SLC35F5: variants seen among roughly 807,000 people sequenced by gnomAD.
SLC35F5 encodes solute carrier family 35 member F5.
Under a neutral mutation model 68.6 loss-of-function variants are expected in SLC35F5, and 54 were observed. That is an observed-to-expected ratio of 0.79 (90% CI 0.63 to 0.99). SLC35F5 has a LOEUF of 0.99. Among genes scored for constraint, SLC35F5 ranks in the 50% least tolerant of loss-of-function variants. The pLI is 0.00. For synonymous variants in SLC35F5, 211 were observed against 205.2 expected (o/e 1.03, Z -0.24); for missense variants, 567 against 626.9 (o/e 0.90, Z 1.02).
rs746807681 is a variant in SLC35F5, at chr2:113,712,030, C to T, written c.*3188G>A. On this transcript the variant is annotated 3_prime_UTR_variant, in exon 16 of 16. Transcript: ENST00000245680. ...CCTGGAGTCATACCTCAAATTGGCT[C>T]TGCATGATTGATTTTACAGCGGGCA... Among the ~76,000 whole-genome samples, 1 of 152,196 alleles carries T rather than the reference C, an allele frequency of 6.6e-6. No homozygotes were observed. The highest frequency in any genetic ancestry group is 1.5e-5 in the Non-Finnish European group (1 of 68,044).
chr2:113,710,128 T>C lies in SLC35F5; in HGVS notation c.*5090A>G, dbSNP rs193092111. Among the ~76,000 whole-genome samples, 129 of 152,338 alleles carry C rather than the reference T, an allele frequency of 8.5e-4. No individual in the cohort carries two copies. The highest frequency in any genetic ancestry group is 3.0e-3 in the African/African-American group (125 of 41,576). ...TGTGTTCTCCCCTCTCTTCCAATAA[T>C]GTGTATTCAACAAGGCCTTCAGGTG... On this transcript the variant is annotated 3_prime_UTR_variant, in exon 16 of 16. Transcript: ENST00000245680.
intron 3 of SLC35F5, among the ~76,000 whole-genome samples, chr2:113,751,209 T>G (rs1559364942): frequency 6.6e-6 from 1 of 152,052 alleles, no homozygotes; most frequent in Non-Finnish European, 1.5e-5. Flanking sequence ...TAACATCTAA[T>G]AGAGGAGACA....
chr2:113,743,794 T>C lies in SLC35F5; in HGVS notation c.481A>G (p.Ser161Gly). The change falls in exon 6 of 16, where the codon AGT (serine) becomes GGT (glycine). Residue 161 changes from serine (S) to glycine (G), a missense_variant and splice_region_variant. Transcript: ENST00000245680. The stretch of plus-strand genomic sequence containing the variant: ...TTCACAGGCACATACAGAGGTTCAC[T>C]CTGGAATGTAACAGAAAAAAATATA... Reference protein sequence around the residue: ...TTDTTMNSSLSEPLYVPVKFH... With the variant: ...TTDTTMNSSLGEPLYVPVKFH... The C allele has an allele frequency of 6.3e-7, 1 of 1,592,716 alleles. No homozygotes were observed. Among genetic ancestry groups the C allele is most frequent in the Non-Finnish European group, 8.5e-7 (1 of 1,170,172 alleles).
chr2:113,743,656 G>A, intron 6 of SLC35F5, 57 bp downstream of exon 6: 1 of 1,415,266 alleles, frequency 7.1e-7, no homozygotes, highest in South Asian at 1.2e-5. Context: ...TCATCACTAA[G>A]TTCTGAAGTG....
chr2:113,717,698 G>T, intron 15 of SLC35F5, 55 bp downstream of exon 15: 2 of 1,196,894 alleles, frequency 1.7e-6, no homozygotes, highest in South Asian at 2.8e-5. Flanking sequence ...TCAATCCTTT[G>T]AATATTACAC....
chr2:113,703,017 G>A (rs546863287), downstream of SLC35F5, among the ~76,000 whole-genome samples: 30 of 152,160 alleles, frequency 2.0e-4, no homozygotes, highest in African/African-American at 7.2e-4. Flanking sequence ...GGCTGAGGTG[G>A]GAGAATCACT....
downstream of SLC35F5, chr2:113,704,987 G>A (rs765694555): frequency 3.9e-5 from 6 of 152,224 alleles, no homozygotes; most frequent in Non-Finnish European, 8.8e-5. Flanking sequence ...AAAGACTGAA[G>A]ATTAATTGTT....
chr2:113,721,944 A>G (rs1207130687), intron 13 of SLC35F5, among the ~76,000 whole-genome samples: 1 of 151,294 alleles, frequency 6.6e-6, no homozygotes, highest in East Asian at 1.9e-4. Flanking sequence ...AAGAGGATAT[A>G]GAGCACTAAG....
In SLC35F5 at chr2:113,711,272, TA is replaced by T. The variant is rs367996264; in HGVS notation, c.*3945del. Among the ~76,000 whole-genome samples, 563 of 152,356 alleles carry T rather than the reference TA, an allele frequency of 3.7e-3. 4 individuals carry two copies. The highest frequency in any genetic ancestry group is 0.013 in the African/African-American group (528 of 41,594). On this transcript the variant is annotated 3_prime_UTR_variant, in exon 16 of 16. Transcript: ENST00000245680. ...GAGGGTACTCATTACTTTTGGTTGGTAATTTTTCCTTAAATATATTTCAATG... is the reference window on the plus strand; with the variant it reads ...GAGGGTACTCATTACTTTTGGTTGGTATTTTTCCTTAAATATATTTCAATG...
At chr2:113,706,378 G>C (rs773585212), downstream of SLC35F5, among the ~76,000 whole-genome samples, 4 of 152,152 alleles carry the variant, frequency 2.6e-5, no homozygotes, top group Non-Finnish European at 5.9e-5. Flanking sequence ...TCCTCTGGGT[G>C]ACCCTGGCCT....
intron 7 of SLC35F5, among the ~76,000 whole-genome samples, chr2:113,736,448 AT>A (rs373234706): frequency 2.4e-4 from 36 of 151,240 alleles, no homozygotes; most frequent in Non-Finnish European, 2.7e-4. Flanking sequence ...TTCTCAAAAA[AT>A]AAAAAAATCG....
chr2:113,732,745 T>C (rs73955059), intron 9 of SLC35F5, among the ~76,000 whole-genome samples: 35,340 of 152,170 alleles, frequency 0.23, 4,469 homozygotes, highest in Middle Eastern at 0.48. Flanking sequence ...GTATCAGACA[T>C]TGTTCCAAGC....
intron 12 of SLC35F5, among the ~76,000 whole-genome samples, chr2:113,723,985 A>G (rs528731334): frequency 2.0e-5 from 3 of 152,338 alleles, no homozygotes; most frequent in South Asian, 4.1e-4. Context: ...TTAGGACTAC[A>G]GATCCATGGA....
rs1237535716 is a variant in SLC35F5 at position 113,709,451 on chromosome 2, C to A, written c.*5767G>T. On this transcript the variant is annotated 3_prime_UTR_variant, in exon 16 of 16. Transcript: ENST00000245680. Reference sequence around the variant, plus strand: ...ATAGCTGAGAAGAGTGAGGGAAGGACGGACCATGGGAGTCAGCATTTTTCA... The same window carrying A: ...ATAGCTGAGAAGAGTGAGGGAAGGAAGGACCATGGGAGTCAGCATTTTTCA... 6.6e-6 allele frequency among the ~76,000 whole-genome samples: 1 copy of A among 152,182 alleles called. No homozygotes were observed. Among genetic ancestry groups the A allele is most frequent in the African/African-American group, 2.4e-5 (1 of 41,438 alleles).
Position 113,740,124 on chromosome 2 carries a change from A to G in SLC35F5, c.750+2568T>C, listed in dbSNP as rs1426832239. On this transcript the variant is annotated intron_variant, in intron 7 of 15. Coordinates refer to ENST00000245680, the MANE Select transcript of SLC35F5 (RefSeq NM_025181.5). ...AAGCATACCTGTGCAATACAGACCCATGTTGTTCAAGGACCAATTGTAATA... is the reference window on the plus strand; with the variant it reads ...AAGCATACCTGTGCAATACAGACCCGTGTTGTTCAAGGACCAATTGTAATA... Among the ~76,000 whole-genome samples, 3 of 152,224 alleles carry G rather than the reference A, an allele frequency of 2.0e-5. No homozygotes were observed. The East Asian group carries it at 5.8e-4, about 29-fold the overall frequency.
chr2:113,742,704 A>C lies in SLC35F5; in HGVS notation c.738T>G (p.Phe246Leu). Residue 246 changes from phenylalanine (F) to leucine (L), a missense_variant, in exon 7 of 16, where the codon TTT (phenylalanine) becomes TTG (leucine). Physicochemically the swap from Phe to Leu is conservative, Grantham distance 22. Transcript: ENST00000245680. ...ATAAAAGACCTACCACAAAGCAAAA[A>C]AAAAAGCTAATTTTCGCTACTTGAG... ...TATQVAKISF[F>L]FCFVWFLANL... The C allele has an allele frequency of 6.2e-7, 1 of 1,614,056 alleles. No individual in the cohort carries two copies. Among genetic ancestry groups the C allele is most frequent in the Non-Finnish European group, 8.5e-7 (1 of 1,179,996 alleles).
At chr2:113,734,719 T>G in intron 8 of SLC35F5, 46 bp from the exon 9 acceptor site, 1 of 1,160,712 alleles carries the variant, frequency 8.6e-7, no homozygotes, top group African/African-American at 1.6e-5. Context: ...GTTTAAATAC[T>G]GTCAACATTT....
chr2:113,754,422 T>A (rs946621336), intron 3 of SLC35F5, among the ~76,000 whole-genome samples: 19 of 152,316 alleles, frequency 1.2e-4, no homozygotes, highest in Middle Eastern at 3.4e-3. Context: ...GTTCATTTTA[T>A]AAATGCCAGT....
chr2:113,751,227 G>A (rs1676724236), intron 3 of SLC35F5, among the ~76,000 whole-genome samples: 1 of 152,180 alleles, frequency 6.6e-6, no homozygotes, highest in East Asian at 1.9e-4. Context: ...ACATATATAT[G>A]AAGAGAATAC....
Sources: allele counts gnomAD v4.1 joint callset (sites outside exome capture counted in the v4.1 genomes callset), GRCh38; gene constraint gnomAD v4.1.1; transcripts MANE v1.5; gene names NCBI Gene and HGNC (gene_info 2026-07-23, HGNC 2026-07-21).